The following NRG1 variants were observed in gnomAD, a reference collection of about 807,000 sequenced individuals.
The protein encoded by NRG1 is pro-neuregulin-1, membrane-bound isoform.
NRG1 carries 18 observed loss-of-function variants against 63.8 expected under a neutral mutation model. The ratio of observed to expected loss-of-function variants is 0.28; its 90% CI spans 0.19 to 0.42. NRG1 has a LOEUF of 0.42. NRG1 is among the 10% of genes least tolerant of loss of function. NRG1 has a pLI of 1.00. For missense variants in NRG1, 762 were observed against 814.7 expected (o/e 0.94, Z 0.79); for synonymous variants, 302 against 301.3 (o/e 1.00, Z -0.02).
At chr8:32,396,699 C>T (rs915541953) in intron 1 of NRG1, among the ~76,000 whole-genome samples, 2 of 152,180 alleles carry the variant, frequency 1.3e-5, no homozygotes, top group Non-Finnish European at 2.9e-5. Flanking sequence ...CCACCTCCCT[C>T]GGCCTCCCAA....
chr8:32,025,288 A>T (rs1028966710), intron 1 of NRG1, among the ~76,000 whole-genome samples: 2 of 152,198 alleles, frequency 1.3e-5, no homozygotes, highest in Admixed American at 1.3e-4. Context: ...CAAACTAGTA[A>T]GAAAAAAAAA....
intron 5 of NRG1, among the ~76,000 whole-genome samples, chr8:32,634,984 G>A (rs1851052011): frequency 1.3e-5 from 2 of 152,116 alleles, no homozygotes. Flanking sequence ...TTTGCATACT[G>A]ATTGTAAAGA....
At chr8:32,152,214 CTTCACTTCGTGTG>C (rs1380567823) in intron 1 of NRG1, among the ~76,000 whole-genome samples, 1 of 152,202 alleles carries the variant, frequency 6.6e-6, no homozygotes, top group African/African-American at 2.4e-5. Flanking sequence ...GGAGATAGCT[CTTCACTTCGTGTG>C]TTAGTGATGA....
chr8:31,941,955 C>T (rs1034271585), intron 1 of NRG1, among the ~76,000 whole-genome samples: 1 of 152,012 alleles, frequency 6.6e-6, no homozygotes, highest in African/African-American at 2.4e-5. Context: ...GTGAAAATGA[C>T]CATACTGCCA....
intron 1 of NRG1, among the ~76,000 whole-genome samples, chr8:31,961,932 G>A (rs183661584): frequency 3.9e-5 from 6 of 152,078 alleles, no homozygotes; most frequent in Admixed American, 2.0e-4. Flanking sequence ...ATTATGTTTG[G>A]GTTTGGATTT....
At chr8:32,544,799 A>G (rs920069374), upstream of NRG1, among the ~76,000 whole-genome samples, 1 of 149,232 alleles carries the variant, frequency 6.7e-6, no homozygotes, top group Admixed American at 6.8e-5. Flanking sequence ...TAAGAATTAC[A>G]GGCATGAGCC....
chr8:32,262,837 A>T (rs59110554), intron 1 of NRG1, among the ~76,000 whole-genome samples: 1 of 151,832 alleles, frequency 6.6e-6, no homozygotes, highest in African/African-American at 2.4e-5. Flanking sequence ...GTTAGAAAAT[A>T]TGTAAATAAT....
intron 1 of NRG1, among the ~76,000 whole-genome samples, chr8:32,016,867 G>A (rs1388224185): frequency 6.6e-6 from 1 of 152,202 alleles, no homozygotes; most frequent in East Asian, 1.9e-4. Flanking sequence ...AGGCTGTTGT[G>A]TGAGCACAGC....
chr8:31,731,180 AC>A (rs1194716632), intron 1 of NRG1, among the ~76,000 whole-genome samples: 1 of 152,100 alleles, frequency 6.6e-6, no homozygotes, highest in Non-Finnish European at 1.5e-5. Flanking sequence ...TAAAACTCAC[AC>A]CTAAAAATAT....
chr8:32,718,286 T>C (rs1488577901), intron 5 of NRG1, among the ~76,000 whole-genome samples: 1 of 152,170 alleles, frequency 6.6e-6, no homozygotes, highest in Non-Finnish European at 1.5e-5. Flanking sequence ...GTACAAGGTG[T>C]GAAATACAAA....
At chr8:32,548,327 C>A in exon 1 of NRG1, 1 of 998,942 alleles carries the variant, frequency 1.0e-6, no homozygotes. Context: ...GTTGGAACTC[C>A]GGGCTCGCGC....
At chr8:32,284,933 G>T (rs567528165) in intron 1 of NRG1, among the ~76,000 whole-genome samples, 6 of 152,228 alleles carry the variant, frequency 3.9e-5, no homozygotes, top group African/African-American at 1.2e-4. Context: ...TACACAACTG[G>T]CACGGTAAAG....
At chr8:32,142,004 G>T (rs1836339664) in intron 1 of NRG1, among the ~76,000 whole-genome samples, 2 of 152,052 alleles carry the variant, frequency 1.3e-5, no homozygotes, top group Non-Finnish European at 2.9e-5. Flanking sequence ...CCTGAAAGTG[G>T]CTGTTCTTCT....
intron 1 of NRG1, among the ~76,000 whole-genome samples, chr8:31,984,925 G>A (rs1809794137): frequency 1.3e-5 from 2 of 152,026 alleles, no homozygotes; most frequent in African/African-American, 4.8e-5. Flanking sequence ...TTGCACTGGG[G>A]GTCGTTTCTG....
chr8:31,873,481 C>G (rs1452600311), intron 1 of NRG1, among the ~76,000 whole-genome samples: 1 of 152,152 alleles, frequency 6.6e-6, no homozygotes, highest in Non-Finnish European at 1.5e-5. Flanking sequence ...ATCGCTTGAA[C>G]CTGGGAGGCG....
intron 1 of NRG1, among the ~76,000 whole-genome samples, chr8:32,189,283 T>C (rs1414195850): frequency 6.6e-6 from 1 of 152,158 alleles, no homozygotes; most frequent in Non-Finnish European, 1.5e-5. Flanking sequence ...CATCTTTATG[T>C]TCATGTGTAT....
intron 1 of NRG1, among the ~76,000 whole-genome samples, chr8:32,486,856 C>T (rs894586107): frequency 6.6e-6 from 1 of 152,034 alleles, no homozygotes; most frequent in Non-Finnish European, 1.5e-5. Context: ...AATTCCTGAC[C>T]TCAAGCAATT....
At chr8:32,367,442 T>G (rs1412079184) in intron 1 of NRG1, among the ~76,000 whole-genome samples, 1 of 152,108 alleles carries the variant, frequency 6.6e-6, no homozygotes, top group Admixed American at 6.6e-5. Flanking sequence ...GCCAATTGTA[T>G]GTATTCTTTT....
chr8:32,510,734 A>G (rs1371677210), intron 1 of NRG1, among the ~76,000 whole-genome samples: 4 of 152,102 alleles, frequency 2.6e-5, no homozygotes, highest in Non-Finnish European at 5.9e-5. Context: ...CCGCACCCTA[A>G]GGACCATGCA....
Sources: allele counts gnomAD v4.1 joint callset (sites outside exome capture counted in the v4.1 genomes callset), GRCh38; gene constraint gnomAD v4.1.1; transcripts MANE v1.5; gene names NCBI Gene and HGNC (gene_info 2026-07-23, HGNC 2026-07-21).